The following CLASP1 variants were observed in gnomAD, a reference collection of about 807,000 sequenced individuals.
CLASP1 encodes the protein cytoplasmic linker associated protein 1, also known as CLIP-associating protein 1.
A neutral mutation model predicts 192.3 loss-of-function variants in CLASP1; 38 were observed. That is an observed-to-expected ratio of 0.20 (90% CI 0.15 to 0.26). The LOEUF (loss-of-function observed/expected upper bound fraction) is 0.26. CLASP1 is among the 10% of genes least tolerant of loss of function. The pLI, the probability that CLASP1 is intolerant of heterozygous loss-of-function variation, is 1.00. For synonymous variants in CLASP1, 691 were observed against 712.8 expected, an observed-to-expected ratio of 0.97 and a Z score of 0.49; for missense variants, 1,433 against 1,932.5, an observed-to-expected ratio of 0.74 and a Z score of 4.85.
At chr2:121,343,124 A>G (rs1478560571) in intron 39 of CLASP1, among the ~76,000 whole-genome samples, 1 of 152,204 alleles carries the variant, frequency 6.6e-6, no homozygotes, top group Admixed American at 6.5e-5. Flanking sequence ...CAGATAAGAA[A>G]TCGCCATCAG....
At chr2:121,471,381 G>A (rs2090696819) in intron 8 of CLASP1, among the ~76,000 whole-genome samples, 1 of 152,144 alleles carries the variant, frequency 6.6e-6, no homozygotes, top group South Asian at 2.1e-4. Context: ...ATAAGAGTGA[G>A]TCATTTAGGA....
At chr2:121,542,590 A>T (rs900712411) in intron 2 of CLASP1, among the ~76,000 whole-genome samples, 2 of 152,226 alleles carry the variant, frequency 1.3e-5, no homozygotes, top group African/African-American at 4.8e-5. Context: ...CCTTCAAAGC[A>T]GTCACCTAGG....
At chr2:121,471,319 C>T (rs576724132) in intron 8 of CLASP1, among the ~76,000 whole-genome samples, 1 of 152,170 alleles carries the variant, frequency 6.6e-6, no homozygotes, top group Non-Finnish European at 1.5e-5. Context: ...TAAAAATCAA[C>T]ATATTTATGC....
intron 8 of CLASP1, among the ~76,000 whole-genome samples, chr2:121,478,802 A>C (rs866357656): frequency 0.085 from 1,656 of 19,512 alleles, 93 homozygotes; most frequent in African/African-American, 0.21. Flanking sequence ...ACCACACACC[A>C]CACACACACC....
chr2:121,605,594 A>G (rs2105911631), intron 2 of CLASP1, 107 bp downstream of exon 2: 2 of 736,966 alleles, frequency 2.7e-6, no homozygotes, highest in Admixed American at 5.0e-5. Flanking sequence ...CTTACTAGAA[A>G]CCAAGGAAGC....
chr2:121,644,485 T>C (rs904508348), intron 1 of CLASP1, among the ~76,000 whole-genome samples: 1 of 151,992 alleles, frequency 6.6e-6, no homozygotes, highest in Non-Finnish European at 1.5e-5. Context: ...ACCCCGTCTC[T>C]ACTAGAAATA....
chr2:121,561,933 G>A (rs1031326842), intron 2 of CLASP1, among the ~76,000 whole-genome samples: 2 of 152,200 alleles, frequency 1.3e-5, no homozygotes, highest in Non-Finnish European at 2.9e-5. Flanking sequence ...CAGAGGTAAA[G>A]CTGTTTTCAT....
intron 34 of CLASP1, among the ~76,000 whole-genome samples, chr2:121,374,922 T>C (rs991531573): frequency 1.3e-5 from 2 of 152,190 alleles, no homozygotes; most frequent in African/African-American, 4.8e-5. Context: ...ACTTGGACTT[T>C]TGAGTTAATG....
intron 1 of CLASP1, among the ~76,000 whole-genome samples, chr2:121,607,324 G>A (rs1430697341): frequency 1.3e-5 from 2 of 152,178 alleles, no homozygotes; most frequent in Non-Finnish European, 2.9e-5. Context: ...GGGTGACAGA[G>A]CTGGACTCTG....
At chr2:121,410,430 T>C (rs941696424) in intron 24 of CLASP1, among the ~76,000 whole-genome samples, 2 of 152,116 alleles carry the variant, frequency 1.3e-5, no homozygotes, top group African/African-American at 2.4e-5. Flanking sequence ...ATGCAAGATT[T>C]TCAAACCTCA....
chr2:121,419,553 C>G (rs532188067), intron 22 of CLASP1, among the ~76,000 whole-genome samples: 1 of 152,074 alleles, frequency 6.6e-6, no homozygotes, highest in South Asian at 2.1e-4. Context: ...GACCTGAGAA[C>G]AGCAAATAAC....
chr2:121,581,876 T>C (rs1473574559), intron 2 of CLASP1, among the ~76,000 whole-genome samples: 1 of 149,126 alleles, frequency 6.7e-6, no homozygotes, highest in African/African-American at 2.5e-5. Context: ...CAAAGCGAGA[T>C]ACTGTCTCAA....
chr2:121,503,135 A>C (rs1361921936), intron 8 of CLASP1, 32 bp downstream of exon 8: 2 of 1,430,484 alleles, frequency 1.4e-6, no homozygotes. Context: ...AAAACTGAAA[A>C]AGCAAAAGTA....
At chr2:121,362,442 C>G (rs545637434) in intron 37 of CLASP1, among the ~76,000 whole-genome samples, 17 of 152,212 alleles carry the variant, frequency 1.1e-4, no homozygotes, top group Admixed American at 2.6e-4. Flanking sequence ...CATGTCCTGC[C>G]ACTCTCTACC....
intron 1 of CLASP1, among the ~76,000 whole-genome samples, chr2:121,623,855 C>T (rs2067822501): frequency 6.6e-6 from 1 of 152,136 alleles, no homozygotes; most frequent in Admixed American, 6.5e-5. Context: ...CTGAAACAAA[C>T]AAAAGAGACC....
intron 37 of CLASP1, among the ~76,000 whole-genome samples, chr2:121,349,909 C>T (rs1426529120): frequency 6.6e-6 from 1 of 152,162 alleles, no homozygotes; most frequent in East Asian, 1.9e-4. Flanking sequence ...CCCAGTCATG[C>T]TAGTCCCAAA....
At chr2:121,358,130 C>T (rs544740455) in intron 37 of CLASP1, among the ~76,000 whole-genome samples, 1 of 152,328 alleles carries the variant, frequency 6.6e-6, no homozygotes, top group Admixed American at 6.5e-5. Flanking sequence ...AACTTGGAAT[C>T]TCTCAATGAA....
chr2:121,412,252 T>A (rs1005548628), intron 23 of CLASP1, among the ~76,000 whole-genome samples: 2 of 152,190 alleles, frequency 1.3e-5, no homozygotes, highest in African/African-American at 2.4e-5. Flanking sequence ...ATGAATTTTT[T>A]AAAAAGAAAC....
rs182009409 is a variant in CLASP1, at chr2:121,531,380, G to A, written c.196-1055C>T. ...GGAGGCCGAGGGGGGCGGATCACGA[G>A]GTCAGGAGATCGAGACCATCCTGGC... On this transcript the variant is annotated intron_variant, in intron 2 of 39. Coordinates refer to ENST00000263710, the Ensembl canonical transcript of CLASP1. Among the ~76,000 whole-genome samples the A allele has an allele frequency of 4.5e-3, 686 of 152,192 alleles. 6 individuals are homozygous for A. The highest frequency in any genetic ancestry group is 0.016 in the African/African-American group (661 of 41,520).
Sources: gnomAD v4.1 joint callset for allele counts (sites outside exome capture counted in the v4.1 genomes callset) on GRCh38, gnomAD v4.1.1 for gene constraint, MANE v1.5 for transcripts, NCBI Gene and HGNC (gene_info 2026-07-23, HGNC 2026-07-21) for gene names.